ESYT2: variants seen among roughly 807,000 people sequenced by gnomAD.
The protein encoded by ESYT2 is extended synaptotagmin 2.
Under a neutral mutation model 107.2 loss-of-function variants are expected in ESYT2, and 54 were observed. That is an observed-to-expected ratio of 0.50 (90% CI 0.40 to 0.63). The LOEUF (loss-of-function observed/expected upper bound fraction) is 0.63, where lower values mean the gene tolerates loss of function less well. ESYT2 is among the 30% of genes least tolerant of loss of function. The probability of loss-of-function intolerance (pLI) is 0.00; values close to 1 mark genes in which losing one functional copy is unlikely to be tolerated. For missense variants in ESYT2, 1,020 were observed against 1,094.5 expected (o/e 0.93, Z 0.96); for synonymous variants, 491 against 434.1 (o/e 1.13, Z -1.63).
intron 9 of ESYT2, among the ~76,000 whole-genome samples, chr7:158,764,238 G>A (rs952774695): frequency 2.0e-5 from 3 of 152,160 alleles, no homozygotes; most frequent in East Asian, 3.9e-4. Context: ...AGATGAAGGC[G>A]TCTATTCGAT....
chr7:158,798,094 C>G lies in ESYT2; in HGVS notation c.373-18G>C, dbSNP rs551682831. 3.7e-6 allele frequency: 6 copies of G among 1,613,744 alleles called. No homozygotes were observed. Among genetic ancestry groups the G allele is most frequent in the African/African-American group, 1.3e-5 (1 of 74,876 alleles). On this transcript the variant is annotated intron_variant, in intron 2 of 22. Transcript: ENST00000275418. ...TTTACAGTCTGGAAAGGAAAAAGAA[C>G]TCAGTTTAAACAAAATGCTATATAA...
At chr7:158,822,657 ATAT>A (rs1210297981) in intron 1 of ESYT2, among the ~76,000 whole-genome samples, 1 of 152,070 alleles carries the variant, frequency 6.6e-6, no homozygotes, top group Non-Finnish European at 1.5e-5. Flanking sequence ...AAATAAAGTA[ATAT>A]TAGAGCTGGG....
chr7:158,815,555 T>C (rs1189367958), intron 1 of ESYT2, among the ~76,000 whole-genome samples: 1 of 152,278 alleles, frequency 6.6e-6, no homozygotes, highest in South Asian at 2.1e-4. Flanking sequence ...CCCTTTTAAA[T>C]TGGGACACAT....
chr7:158,816,154 A>C (rs1488876358), intron 1 of ESYT2, among the ~76,000 whole-genome samples: 1 of 152,228 alleles, frequency 6.6e-6, no homozygotes, highest in East Asian at 1.9e-4. Flanking sequence ...CAGCCTGGGC[A>C]ACACAGTGAG....
At chr7:158,782,283 A>T (rs1454497637) in intron 6 of ESYT2, among the ~76,000 whole-genome samples, 26 of 72,722 alleles carry the variant, frequency 3.6e-4, no homozygotes, top group African/African-American at 5.3e-4. Context: ...ACAAAATGTG[A>T]GAAATGTGTG....
chr7:158,776,885 C>T (rs1838585178), intron 6 of ESYT2, among the ~76,000 whole-genome samples: 1 of 148,626 alleles, frequency 6.7e-6, no homozygotes, highest in South Asian at 2.2e-4. Context: ...CAGAGTCTTG[C>T]TCTGTCGCCC....
At position 158,738,084 on chromosome 7, in the gene ESYT2, G is replaced by A. The variant is rs117796841; in HGVS notation, c.2268-905C>T. On this transcript the variant is annotated intron_variant, in intron 19 of 22. Coordinates refer to ENST00000275418, the MANE Select transcript of ESYT2 (RefSeq NM_001367773.1). ...AAAAAATTAAAAATTAGCCAGGCCT[G>A]GTGGCTTCCACCTATAGTCCCAGCT... Among the ~76,000 whole-genome samples, 5 of 152,112 alleles carry A rather than the reference G, an allele frequency of 3.3e-5. No individual in the cohort carries two copies. The East Asian group carries it at 7.8e-4, about 24-fold the overall frequency.
In ESYT2 at chr7:158,756,520, A is replaced by G. The variant is rs113662022; in HGVS notation, c.1419+2966T>C. Among the ~76,000 whole-genome samples, 4 of 152,356 alleles carry G rather than the reference A, an allele frequency of 2.6e-5. No homozygotes were observed. In the South Asian group the frequency reaches 6.2e-4, roughly 24 times the overall value. On this transcript the variant is annotated intron_variant, in intron 13 of 22. Coordinates refer to ENST00000275418, the MANE Select transcript of ESYT2 (RefSeq NM_001367773.1). ...TTATTTAAAAAATGGGTGAATTTCT[A>G]TCTTCACGTGACCATCCCCCAAATG...
intron 1 of ESYT2, among the ~76,000 whole-genome samples, chr7:158,813,351 A>G (rs1840041932): frequency 6.6e-6 from 1 of 152,226 alleles, no homozygotes; most frequent in Admixed American, 6.5e-5. Flanking sequence ...GCCATTATCC[A>G]TTTGTCAAGA....
chr7:158,782,865 C>T (rs547330406), intron 6 of ESYT2, among the ~76,000 whole-genome samples: 32 of 152,118 alleles, frequency 2.1e-4, no homozygotes, highest in Admixed American at 3.3e-4. Context: ...TGAGAGAGAA[C>T]GAGTGTGTGG....
At chr7:158,792,176 T>C (rs1300955854) in intron 4 of ESYT2, among the ~76,000 whole-genome samples, 2 of 150,286 alleles carry the variant, frequency 1.3e-5, no homozygotes, top group African/African-American at 2.4e-5. Context: ...TTTTTTTTTT[T>C]GGTGGGATCT....
rs748615778 is a variant in ESYT2, at chr7:158,764,801, G to T, written c.977C>A (p.Thr326Asn). ...TCCCTTGACAAGTCCCTTAAGGTAAGTGTCTTTCCCCTGAAGATCCTGAGC... is the reference window on the plus strand; with the variant it reads ...TCCCTTGACAAGTCCCTTAAGGTAATTGTCTTTCCCCTGAAGATCCTGAGC... ...IEAQDLQGKDTYLKGLVKGKS... is the reference protein window; with the variant it reads ...IEAQDLQGKDNYLKGLVKGKS... The change falls in exon 9 of 23, where the codon ACT becomes AAT. Residue 326 changes from threonine to asparagine, a missense_variant. Physicochemically the swap from Thr to Asn is moderately conservative, Grantham distance 65. Transcript: ENST00000275418. The T allele has an allele frequency of 4.3e-6, 7 of 1,614,068 alleles. No individual in the cohort carries two copies. In the East Asian group the frequency reaches 1.3e-4, roughly 31 times the overall value.
intron 1 of ESYT2, among the ~76,000 whole-genome samples, chr7:158,808,560 A>T (rs1839900618): frequency 6.6e-6 from 1 of 152,244 alleles, no homozygotes. Context: ...GCTAAGATGT[A>T]AGAACGAATC....
intron 1 of ESYT2, among the ~76,000 whole-genome samples, chr7:158,806,402 T>C (rs1357910406): frequency 6.6e-6 from 1 of 152,230 alleles, no homozygotes; most frequent in Non-Finnish European, 1.5e-5. Flanking sequence ...TCATGTTATA[T>C]CTGACATATA....
chr7:158,737,862 C>T (rs1423365628), intron 19 of ESYT2, among the ~76,000 whole-genome samples: 1 of 152,106 alleles, frequency 6.6e-6, no homozygotes, highest in Admixed American at 6.5e-5. Flanking sequence ...GAGAAAATTG[C>T]ATAAAAGGAA....
intron 2 of ESYT2, among the ~76,000 whole-genome samples, chr7:158,798,646 C>CAAAAAAAAAAAAAAAAAAAAAAAAAAA (rs57351086): frequency 2.0e-5 from 1 of 49,852 alleles, no homozygotes; most frequent in Non-Finnish European, 3.3e-5. Flanking sequence ...AGCTCCGTCT[C>CAAAAAAAAAAAAAAAAAAAAAAAAAAA]AAAAAAAAAA....
chr7:158,754,769 T>C (rs1045132491), intron 13 of ESYT2, among the ~76,000 whole-genome samples: 1 of 151,974 alleles, frequency 6.6e-6, no homozygotes, highest in Non-Finnish European at 1.5e-5. Flanking sequence ...CCACGCTGAG[T>C]TCCAATTCCA....
In ESYT2 at chr7:158,737,100, T is replaced by C; in HGVS notation, c.2347A>G (p.Arg783Gly). 6.2e-7 allele frequency: 1 copy of C among 1,614,050 alleles called. No individual in the cohort carries two copies. Among genetic ancestry groups the C allele is most frequent in the Non-Finnish European group, 8.5e-7 (1 of 1,179,906 alleles). Reference sequence around the variant, plus strand: ...TTCTTTGACACGTGTGTTTTCCTCCTTCCTGACCGCCTCTTGTCTGGTAAT... The same window carrying C: ...TTCTTTGACACGTGTGTTTTCCTCCCTCCTGACCGCCTCTTGTCTGGTAAT... ...YLLPDKRRSGRRKTHVSKKTL... is the reference protein window; with the variant it reads ...YLLPDKRRSGGRKTHVSKKTL... The change falls in exon 20 of 23, where the codon AGG becomes GGG. Residue 783 changes from arginine (R) to glycine (G), a missense_variant. By Grantham distance (125) the Arg-to-Gly change is moderately radical (BLOSUM62 -2). Coordinates refer to ENST00000275418, the MANE Select transcript of ESYT2 (RefSeq NM_001367773.1).
chr7:158,766,093 C>T (rs531213333), intron 8 of ESYT2, among the ~76,000 whole-genome samples: 29 of 151,804 alleles, frequency 1.9e-4, no homozygotes, highest in Non-Finnish European at 3.1e-4. Context: ...GGTGTGAATT[C>T]GGGAGGCGGA....
Sources: gnomAD v4.1 joint callset for allele counts (sites outside exome capture counted in the v4.1 genomes callset) on GRCh38, gnomAD v4.1.1 for gene constraint, MANE v1.5 for transcripts, NCBI Gene and HGNC (gene_info 2026-07-23, HGNC 2026-07-21) for gene names.